Variants in NTM observed in about 807,000 individuals in gnomAD.
The protein encoded by NTM is IgLON family member 2.
A neutral mutation model predicts 42.1 loss-of-function variants in NTM; 13 were observed. That is an observed-to-expected ratio of 0.31 (90% confidence interval 0.20 to 0.49). The LOEUF (loss-of-function observed/expected upper bound fraction) is 0.49, where lower values mean the gene tolerates loss of function less well. Ranked by LOEUF, NTM falls within the 20% of genes least tolerant of loss-of-function variation. The pLI is 0.99. For missense variants in NTM, 373 were observed against 452.8 expected, an observed-to-expected ratio of 0.82 and a Z score of 1.60; for synonymous variants, 187 against 179.2, an observed-to-expected ratio of 1.04 and a Z score of -0.35.
chr11:131,655,981 A>G (rs1249007733), intron 1 of NTM, among the ~76,000 whole-genome samples: 1 of 152,158 alleles, frequency 6.6e-6, no homozygotes, highest in Non-Finnish European at 1.5e-5. Context: ...TCAGCCTGGG[A>G]AGGAATGGGA....
At chr11:132,135,644 A>T (rs2067751479) in intron 2 of NTM, among the ~76,000 whole-genome samples, 1 of 152,134 alleles carries the variant, frequency 6.6e-6, no homozygotes, top group East Asian at 1.9e-4. Context: ...GGGGACGCAA[A>T]CCCTAGGCAC....
At chr11:132,278,366 A>T (rs149841752) in intron 4 of NTM, among the ~76,000 whole-genome samples, 2 of 152,324 alleles carry the variant, frequency 1.3e-5, no homozygotes, top group African/African-American at 2.4e-5. Flanking sequence ...GCTAGGGATG[A>T]GTTGGCAGCA....
Position 131,995,851 on chromosome 11 carries a change from A to G in NTM, c.167+84203A>G, listed in dbSNP as rs190640871. 5.8e-3 allele frequency among the ~76,000 whole-genome samples: 877 copies of G among 152,132 alleles called. 10 individuals carry two copies. Among genetic ancestry groups the G allele is most frequent in the African/African-American group, 0.02 (836 of 41,392 alleles). On this transcript the variant is annotated intron_variant, in intron 2 of 8. Transcript: ENST00000683400. ...TACAGTGGAAAATGAATGTAGCTAC[A>G]TGCAGGAAAATAGGAATTAAGGCAG...
At chr11:132,108,166 C>G (rs543921805) in intron 2 of NTM, among the ~76,000 whole-genome samples, 1 of 152,264 alleles carries the variant, frequency 6.6e-6, no homozygotes, top group Admixed American at 6.5e-5. Flanking sequence ...CTAATCGATT[C>G]ACACATTTTG....
chr11:131,438,303 A>G (rs944951398), intron 1 of NTM, among the ~76,000 whole-genome samples: 3 of 151,926 alleles, frequency 2.0e-5, no homozygotes, highest in African/African-American at 4.8e-5. Context: ...TGTCCTCTGT[A>G]TTTCCTGAAT....
At chr11:131,746,806 T>C (rs981955444) in intron 1 of NTM, among the ~76,000 whole-genome samples, 2 of 152,096 alleles carry the variant, frequency 1.3e-5, no homozygotes, top group African/African-American at 2.4e-5. Context: ...TAGTGTACCC[T>C]CCGAAAAAGG....
At chr11:131,733,033 A>G (rs1710634566) in intron 1 of NTM, among the ~76,000 whole-genome samples, 1 of 152,142 alleles carries the variant, frequency 6.6e-6, no homozygotes, top group Admixed American at 6.5e-5. Flanking sequence ...TTTTTTTAAC[A>G]TTACCATATT....
chr11:131,724,237 C>T (rs1251461333), intron 1 of NTM, among the ~76,000 whole-genome samples: 1 of 152,152 alleles, frequency 6.6e-6, no homozygotes, highest in African/African-American at 2.4e-5. Context: ...CTCTGCTTGT[C>T]TGATACGTAG....
chr11:132,224,307 C>T (rs897150229), intron 4 of NTM, among the ~76,000 whole-genome samples: 7 of 151,984 alleles, frequency 4.6e-5, no homozygotes, highest in African/African-American at 1.2e-4. Flanking sequence ...CTGATGGTCT[C>T]GGGGAGCATC....
In NTM at chr11:131,740,698, A is replaced by G. The variant is rs57490205; in HGVS notation, c.83-170866A>G. On this transcript the variant is annotated intron_variant, in intron 1 of 8. Transcript: ENST00000683400. ...CTGTCTCCTTCTTTCCTCTCCATGC[A>G]GTAAAACAGAGCTGCAGGCAGTCAA... Among the ~76,000 whole-genome samples the G allele has an allele frequency of 2.3e-3, 352 of 152,220 alleles. 4 individuals carry two copies. Among genetic ancestry groups the G allele is most frequent in the African/African-American group, 8.0e-3 (332 of 41,554 alleles).
At chr11:131,972,954 A>G (rs2063770312) in intron 2 of NTM, among the ~76,000 whole-genome samples, 1 of 152,224 alleles carries the variant, frequency 6.6e-6, no homozygotes, top group Non-Finnish European at 1.5e-5. Context: ...CAATTCAACA[A>G]TAACCAGGCA....
At chr11:132,226,540 C>T (rs1023933390) in intron 4 of NTM, among the ~76,000 whole-genome samples, 1 of 152,040 alleles carries the variant, frequency 6.6e-6, no homozygotes, top group African/African-American at 2.4e-5. Context: ...ATCCTTCGCC[C>T]ACTTTTTGAT....
At chr11:132,015,978 G>A (rs1269532731) in intron 2 of NTM, among the ~76,000 whole-genome samples, 2 of 151,868 alleles carry the variant, frequency 1.3e-5, no homozygotes, top group Admixed American at 6.6e-5. Context: ...GTGAAAGTGG[G>A]TATCCTAGTC....
chr11:131,639,724 G>A lies in NTM; in HGVS notation c.82+268836G>A, dbSNP rs552173481. The stretch of plus-strand genomic sequence containing the variant: ...TGTAATCCCAGCACTTTGGGAGGCC[G>A]AGGCAGGCAGATCACAAGGTCAGGA... On this transcript the variant is annotated intron_variant, in intron 1 of 8. Transcript: ENST00000683400. Among the ~76,000 whole-genome samples, 398 of 152,172 alleles carry A rather than the reference G, an allele frequency of 2.6e-3. 5 individuals carry two copies. Among genetic ancestry groups the A allele is most frequent in the African/African-American group, 9.2e-3 (383 of 41,540 alleles).
intron 1 of NTM, among the ~76,000 whole-genome samples, chr11:131,717,179 C>T (rs1208832505): frequency 6.6e-6 from 1 of 152,104 alleles, no homozygotes; most frequent in Non-Finnish European, 1.5e-5. Context: ...GGTAGGCCTC[C>T]AACATTTTCT....
At chr11:132,261,362 G>A (rs1189644344) in intron 4 of NTM, among the ~76,000 whole-genome samples, 4 of 152,184 alleles carry the variant, frequency 2.6e-5, no homozygotes, top group African/African-American at 9.7e-5. Flanking sequence ...AATCGCTGGG[G>A]CATGTATTGG....
intron 1 of NTM, among the ~76,000 whole-genome samples, chr11:131,722,646 G>A (rs551013023): frequency 6.6e-6 from 1 of 152,318 alleles, no homozygotes; most frequent in Non-Finnish European, 1.5e-5. Context: ...GACAATCACA[G>A]TGGAACACTT....
intron 4 of NTM, among the ~76,000 whole-genome samples, chr11:132,259,908 C>T (rs1196390559): frequency 6.6e-6 from 1 of 151,876 alleles, no homozygotes; most frequent in Non-Finnish European, 1.5e-5. Flanking sequence ...ACCACCATGC[C>T]TAGCTAATTT....
rs138350436 is a variant in NTM at position 131,557,950 on chromosome 11, G to A, written c.82+187062G>A. ...TGCTGTCTAGAAATTCTGCATCAAG[G>A]TAACTGAAAAGAAAAACAGTTACCT... On this transcript the variant is annotated intron_variant, in intron 1 of 8. Transcript: ENST00000683400. 1.1e-4 allele frequency among the ~76,000 whole-genome samples: 17 copies of A among 152,254 alleles called. No individual in the cohort carries two copies. The East Asian group carries it at 3.3e-3, about 29-fold the overall frequency.
Sources: gnomAD v4.1 joint callset for allele counts (sites outside exome capture counted in the v4.1 genomes callset) on GRCh38, gnomAD v4.1.1 for gene constraint, MANE v1.5 for transcripts, NCBI Gene and HGNC (gene_info 2026-07-23, HGNC 2026-07-21) for gene names.